ARHGEF15: variants seen among roughly 807,000 people sequenced by gnomAD.
The protein encoded by ARHGEF15 is Rho guanine nucleotide exchange factor 15.
In ARHGEF15, 58 loss-of-function variants were observed where a neutral mutation model predicts 79.7. The observed-to-expected ratio is 0.73, with a 90% confidence interval of 0.59 to 0.91. ARHGEF15 has a LOEUF of 0.91. ARHGEF15 is among the 40% of genes least tolerant of loss of function. The probability of loss-of-function intolerance (pLI) is 0.00; values close to 1 mark genes in which losing one functional copy is unlikely to be tolerated. For synonymous variants in ARHGEF15, 442 were observed against 456.0 expected (o/e 0.97, Z 0.39); for missense variants, 1,012 against 1,108.1 (o/e 0.91, Z 1.23).
rs1392348023 is a variant in ARHGEF15 at position 8,318,944 on chromosome 17, AG to A, written c.2033+35del. On this transcript the variant is annotated intron_variant, in intron 12 of 15. Transcript: ENST00000361926. The surrounding 1 kb of genome is among the most constrained non-coding windows in gnomAD (Gnocchi z 5.0). ...TAGGGAAGGAAGGAGCCCAGGCTGG[AG>A]TGGGCAGGAGGGGTCCAGCGGGACC... 5 of 1,608,330 alleles carry A rather than the reference AG, an allele frequency of 3.1e-6. No individual in the cohort carries two copies. The African/African-American group carries it at 6.7e-5, about 22-fold the overall frequency.
In ARHGEF15 at chr17:8,318,778, G is replaced by A. The variant is rs1487212983; in HGVS notation, c.1901G>A (p.Arg634His). The change falls in exon 12 of 16, where the codon CGC (arginine) becomes CAC (histidine). Residue 634 changes from arginine to histidine, a missense_variant. Physicochemically the swap from Arg to His is conservative, Grantham distance 29. Transcript: ENST00000361926. This position sits in a 1 kb window ranked among gnomAD's most constrained non-coding sequence, Gnocchi z 5.0. ...CTGCCCCTGGTCTCCTGGTCACGGC[G>A]CCTGGAATTCCAGGGAGAGCTGACT... ...KALPLVSWSR[R>H]LEFQGELTEL... 8 of 1,613,232 alleles carry A rather than the reference G, an allele frequency of 5.0e-6. No individual in the cohort carries two copies. Among genetic ancestry groups the A allele is most frequent in the Admixed American group, 3.3e-5 (2 of 60,002 alleles).
chr17:8,312,558 A>G lies in ARHGEF15; in HGVS notation c.519A>G (p.Pro173=). 6.2e-7 allele frequency: 1 copy of G among 1,608,954 alleles called. No individual in the cohort carries two copies. The highest frequency in any genetic ancestry group is 8.5e-7 in the Non-Finnish European group (1 of 1,177,198). The stretch of plus-strand genomic sequence containing the variant: ...CTCAGGATGCAGATGCCCCGGAGCC[A>G]GGTCTCCAAGCGAGAGCAGATGTGA... ...GRAQDADAPE[P]GLQARADVNG... Residue 173 remains proline, a synonymous_variant, in exon 2 of 16, where the codon CCA becomes CCG. Coordinates refer to ENST00000361926, the MANE Select transcript of ARHGEF15 (RefSeq NM_173728.4).
At position 8,318,855 on chromosome 17, in the gene ARHGEF15, A is replaced by G; in HGVS notation, c.1978A>G (p.Thr660Ala). The stretch of plus-strand genomic sequence containing the variant: ...GCTCTTTGCCTCGCGCCCCCGCTTC[A>G]CCCCTCTTTGCCTGCTGCTCTTTAG... ...GVLFASRPRF[T>A]PLCLLLFSDL... Residue 660 changes from threonine (T) to alanine (A), a missense_variant, in exon 12 of 16, where the codon ACC (threonine) becomes GCC (alanine). Physicochemically the swap from Thr to Ala is moderately conservative, Grantham distance 58 (BLOSUM62 0). Coordinates refer to ENST00000361926, the MANE Select transcript of ARHGEF15 (RefSeq NM_173728.4). The surrounding 1 kb of genome is among the most constrained non-coding windows in gnomAD (Gnocchi z 5.0). 11 of 1,613,114 alleles carry G rather than the reference A, an allele frequency of 6.8e-6. No homozygotes were observed. Among genetic ancestry groups the G allele is most frequent in the Non-Finnish European group, 9.3e-6 (11 of 1,179,936 alleles).
intron 4 of ARHGEF15, 93 bp downstream of exon 4, chr17:8,313,648 C>T: frequency 7.2e-7 from 1 of 1,380,946 alleles, no homozygotes; most frequent in African/African-American, 1.4e-5. Context: ...TAAATCCCAC[C>T]TCCACAAAGG....
In ARHGEF15 at chr17:8,315,233, G is replaced by A. The variant is rs1904932733; in HGVS notation, c.1216G>A (p.Gly406Ser). Residue 406 changes from glycine to serine, a missense_variant, in exon 6 of 16, where the codon GGT (glycine) becomes AGT (serine). Around this residue, in one of 3 missense-constraint regions of ARHGEF15, gnomAD observed 818 missense variants for 882.5 expected, o/e 0.93. Coordinates refer to ENST00000361926, the MANE Select transcript of ARHGEF15 (RefSeq NM_173728.4). This position sits in a 1 kb window ranked among gnomAD's most constrained non-coding sequence, Gnocchi z 4.3. ...GGAGCTTCCGGCTGTGCAAGCCAGC[G>A]GTCTTCTGGATACCCTCAGCCCCCA... is the stretch of plus-strand genomic sequence containing the variant. ...WQELPAVQASGLLDTLSPQER... is the reference protein window; with the variant it reads ...WQELPAVQASSLLDTLSPQER... The A allele has an allele frequency of 6.2e-7, 1 of 1,613,562 alleles. No individual in the cohort carries two copies. The highest frequency in any genetic ancestry group is 8.5e-7 in the Non-Finnish European group (1 of 1,179,908).
At chr17:8,311,923 C>T (rs77808913) in intron 1 of ARHGEF15, 68 bp from the exon 2 acceptor site, 16,411 of 1,116,682 alleles carry the variant, frequency 0.015, 154 homozygotes, top group Middle Eastern at 0.025. Flanking sequence ...ATCCTGCCTT[C>T]CAGTGGCCCC....
rs1314583916 is a variant in ARHGEF15, at chr17:8,315,254, C to T, written c.1237C>T (p.Pro413Ser). The change falls in exon 6 of 16, where the codon CCC becomes TCC. Residue 413 changes from proline (P) to serine (S), a missense_variant. Physicochemically the swap from Pro to Ser is moderately conservative, Grantham distance 74 (BLOSUM62 -1). Around this residue, in one of 3 missense-constraint regions of ARHGEF15, gnomAD observed 818 missense variants for 882.5 expected, o/e 0.93. Coordinates refer to ENST00000361926, the MANE Select transcript of ARHGEF15 (RefSeq NM_173728.4). The surrounding 1 kb of genome is among the most constrained non-coding windows in gnomAD (Gnocchi z 4.3). ...CAGCGGTCTTCTGGATACCCTCAGCCCCCAGGAGAGGCGCATGCAGGAGGT... is the reference window on the plus strand; with the variant it reads ...CAGCGGTCTTCTGGATACCCTCAGCTCCCAGGAGAGGCGCATGCAGGAGGT... ...QASGLLDTLSPQERRMQESLF... is the reference protein window; with the variant it reads ...QASGLLDTLSSQERRMQESLF... The T allele has an allele frequency of 2.5e-6, 4 of 1,613,222 alleles. No homozygotes were observed. Among genetic ancestry groups the T allele is most frequent in the African/African-American group, 1.3e-5 (1 of 74,880 alleles).
intron 4 of ARHGEF15, among the ~76,000 whole-genome samples, chr17:8,314,594 G>A (rs1445289440): frequency 6.6e-6 from 1 of 151,956 alleles, no homozygotes. Flanking sequence ...CTCTCTAAAA[G>A]GCACATAAAA....
chr17:8,312,333 C>T lies in ARHGEF15; in HGVS notation c.294C>T (p.Pro98=), dbSNP rs781063555. 3 of 1,585,904 alleles carry T rather than the reference C, an allele frequency of 1.9e-6. No individual in the cohort carries two copies. Among genetic ancestry groups the T allele is most frequent in the Non-Finnish European group, 2.6e-6 (3 of 1,166,198 alleles). ...CCCCAGACTCACCTTCCAGCACCCC[C>T]ACACCTAGTCCAGTGTCCCGGCGCT... ...QTSPDSPSST[P]TPSPVSRRSA... The change falls in exon 2 of 16, where the codon CCC becomes CCT. Residue 98 remains proline (P), a synonymous_variant. Transcript: ENST00000361926.
At chr17:8,320,805 C>G (rs912991728) in intron 15 of ARHGEF15, 37 bp from the exon 16 acceptor site, 1 of 1,608,046 alleles carries the variant, frequency 6.2e-7, no homozygotes, top group Non-Finnish European at 8.5e-7. Flanking sequence ...TGCTCCCTGC[C>G]CCCACCTCAT....
intron 4 of ARHGEF15, 162 bp from the exon 5 acceptor site, chr17:8,314,742 CAA>C (rs77491661): frequency 0.12 from 35,046 of 295,618 alleles, 155 homozygotes; most frequent in Middle Eastern, 0.16. Context: ...CTTTCCCCTT[CAA>C]AAAAAAAAAA....
chr17:8,319,450 G>A, intron 14 of ARHGEF15, 49 bp from the exon 15 acceptor site: 1 of 1,594,894 alleles, frequency 6.3e-7, no homozygotes, highest in South Asian at 1.1e-5. Flanking sequence ...AGAGGAATAT[G>A]GGGGAGAAGC....
Position 8,318,266 on chromosome 17 carries a change from G to C in ARHGEF15, c.1705-121G>C, listed in dbSNP as rs1419770533. ...GCTCAGGGTTCTGCAGATGGTGAGT[G>C]ATGAGGTCTGTCAGCCTTGTTGAAA... is the stretch of plus-strand genomic sequence containing the variant. On this transcript the variant is annotated intron_variant, in intron 9 of 15. Coordinates refer to ENST00000361926, the MANE Select transcript of ARHGEF15 (RefSeq NM_173728.4). This position sits in a 1 kb window ranked among gnomAD's most constrained non-coding sequence, Gnocchi z 5.0. 2 of 916,586 alleles carry C rather than the reference G, an allele frequency of 2.2e-6. No homozygotes were observed. Among genetic ancestry groups the C allele is most frequent in the Non-Finnish European group, 3.4e-6 (2 of 587,852 alleles). The allele number at this position is 916,586 out of a possible 1,614,324, so 56.8% of individuals were successfully genotyped here.
In ARHGEF15 at chr17:8,321,173, A is replaced by C. The variant is rs542553374; in HGVS notation, c.*180A>C. 1.2e-4 allele frequency: 92 copies of C among 776,946 alleles called. No homozygotes were observed. The highest frequency in any genetic ancestry group is 1.8e-4 in the Non-Finnish European group (88 of 497,442). 48.1% of individuals were successfully genotyped at this position (776,946 alleles called of 1,614,324 possible). The stretch of plus-strand genomic sequence containing the variant: ...ACGGCCGCCTGAACCCACAGCAATA[A>C]GAATGAATGAGGATGCCTTGAATGT... On this transcript the variant is annotated 3_prime_UTR_variant, in exon 16 of 16. Transcript: ENST00000361926.
Position 8,318,314 on chromosome 17 carries a change from T to C in ARHGEF15, c.1705-73T>C. 1 of 1,430,294 alleles carries C rather than the reference T, an allele frequency of 7.0e-7. No homozygotes were observed. The highest frequency in any genetic ancestry group is 9.7e-7 in the Non-Finnish European group (1 of 1,036,110). The allele number at this position is 1,430,294 out of a possible 1,614,324, so 88.6% of individuals were successfully genotyped here. A position where few individuals can be genotyped will look rare whatever the true frequency, so the allele number is the denominator to read the frequency against. On this transcript the variant is annotated intron_variant, in intron 9 of 15. Transcript: ENST00000361926. This position sits in a 1 kb window ranked among gnomAD's most constrained non-coding sequence, Gnocchi z 5.0. ...AAACTGGCTGAAACAGACAGGGTCC[T>C]CTGAGCTGTGGCCCCTCTGAATCCC... is the stretch of plus-strand genomic sequence containing the variant.
chr17:8,319,887 C>T (rs760808030), intron 15 of ARHGEF15, among the ~76,000 whole-genome samples: 14 of 151,870 alleles, frequency 9.2e-5, no homozygotes, highest in Admixed American at 2.0e-4. Flanking sequence ...TCCCCTTTCA[C>T]CTCCCAAAGT....
chr17:8,316,747 A>C lies in ARHGEF15; in HGVS notation c.1704+599A>C, dbSNP rs1321075798. 2.6e-5 allele frequency among the ~76,000 whole-genome samples: 4 copies of C among 152,290 alleles called. No homozygotes were observed. The East Asian group carries it at 7.7e-4, about 29-fold the overall frequency. Reference sequence around the variant, plus strand: ...TAGTGGGGTGATACGGGGGAAAAAAAAGTTTGAGATTTGAGACACTTTCTT... The same window carrying C: ...TAGTGGGGTGATACGGGGGAAAAAACAGTTTGAGATTTGAGACACTTTCTT... On this transcript the variant is annotated intron_variant, in intron 9 of 15. Transcript: ENST00000361926.
chr17:8,319,778 G>T (rs1905263633), intron 15 of ARHGEF15, among the ~76,000 whole-genome samples, 175 bp downstream of exon 15: 4 of 152,112 alleles, frequency 2.6e-5, no homozygotes, highest in Admixed American at 2.6e-4. Context: ...TGAGATTACA[G>T]GTGCCCACCA....
chr17:8,316,054 G>T lies in ARHGEF15; in HGVS notation c.1610G>T (p.Arg537Leu). The T allele has an allele frequency of 6.2e-7, 1 of 1,603,586 alleles. No individual in the cohort carries two copies. Among genetic ancestry groups the T allele is most frequent in the Non-Finnish European group, 8.5e-7 (1 of 1,179,592 alleles). Residue 537 changes from arginine (R) to leucine (L), a missense_variant, in exon 9 of 16, where the codon CGG becomes CTG. By Grantham distance (102) the Arg-to-Leu change is moderately radical. Transcript: ENST00000361926. ...TNVRFSAELR[R>L]LQSLPKCERL... ...GTGCGCTTCTCCGCCGAGCTGCGCC[G>T]GCTGCAGAGCCTCCCTAAGTGTGAG...
Sources: allele counts gnomAD v4.1 joint callset (sites outside exome capture counted in the v4.1 genomes callset), GRCh38; gene constraint gnomAD v4.1.1; regional missense constraint gnomAD v4.1.1; non-coding constraint Gnocchi (gnomAD v3.1); transcripts MANE v1.5; gene names NCBI Gene and HGNC (gene_info 2026-07-23, HGNC 2026-07-21).